The following STAT3 variants were observed in gnomAD, a reference collection of about 807,000 sequenced individuals.
The protein encoded by STAT3 is DNA-binding protein APRF.
In STAT3, 7 loss-of-function variants were observed where a neutral mutation model predicts 114.3. The ratio of observed to expected loss-of-function variants is 0.06; its 90% confidence interval spans 0.03 to 0.11. The LOEUF is 0.11. Among genes scored for constraint, STAT3 ranks in the 10% least tolerant of loss-of-function variants. STAT3 has a pLI of 1.00. For synonymous variants in STAT3, 331 were observed against 354.5 expected (o/e 0.93, Z 0.74); for missense variants, 364 against 960.9 (o/e 0.38, Z 8.21).
intron 1 of STAT3, among the ~76,000 whole-genome samples, chr17:42,366,124 A>G (rs2083775168): frequency 6.6e-6 from 1 of 152,110 alleles, no homozygotes; most frequent in Admixed American, 6.6e-5. Flanking sequence ...TGCCTCTTCA[A>G]TATCTCCACC....
intron 1 of STAT3, among the ~76,000 whole-genome samples, chr17:42,380,545 T>A (rs1173971445): frequency 2.0e-5 from 3 of 150,548 alleles, no homozygotes; most frequent in Non-Finnish European, 4.4e-5. Context: ...CCACCACAAC[T>A]GGCTAATTTT....
chr17:42,350,580 C>G (rs929345373), intron 1 of STAT3, among the ~76,000 whole-genome samples: 2 of 152,150 alleles, frequency 1.3e-5, no homozygotes, highest in African/African-American at 4.8e-5. Context: ...AGCTACCACG[C>G]CTGGCCTGGG....
chr17:42,363,733 T>C (rs1287893750), intron 1 of STAT3, among the ~76,000 whole-genome samples: 1 of 152,024 alleles, frequency 6.6e-6, no homozygotes, highest in African/African-American at 2.4e-5. Context: ...ATTATAGGCA[T>C]GAGCCATGGC....
chr17:42,359,054 G>T (rs2083378806), intron 1 of STAT3, among the ~76,000 whole-genome samples: 1 of 146,986 alleles, frequency 6.8e-6, no homozygotes, highest in African/African-American at 2.5e-5. Context: ...TCTTGCCTCA[G>T]CCTCCCGAGT....
At chr17:42,348,917 T>A (rs1372726203) in intron 1 of STAT3, among the ~76,000 whole-genome samples, 1 of 152,026 alleles carries the variant, frequency 6.6e-6, no homozygotes, top group Admixed American at 6.6e-5. Context: ...GAAGACAGAG[T>A]CTTGCTCTGT....
chr17:42,359,876 C>T (rs973962962), intron 1 of STAT3, among the ~76,000 whole-genome samples: 9 of 151,734 alleles, frequency 5.9e-5, no homozygotes, highest in East Asian at 1.9e-4. Context: ...CTGGCTAACA[C>T]GGTGAAACCC....
At chr17:42,322,217 C>A in intron 21 of STAT3, 65 bp downstream of exon 21, 2 of 1,535,906 alleles carry the variant, frequency 1.3e-6, no homozygotes, top group Non-Finnish European at 1.8e-6. Context: ...ATCTATCCTC[C>A]AAGGATCCCA....
chr17:42,376,259 A>G (rs1280185744), intron 1 of STAT3, among the ~76,000 whole-genome samples: 2 of 152,220 alleles, frequency 1.3e-5, no homozygotes, highest in Non-Finnish European at 2.9e-5. Flanking sequence ...AACTGACAAT[A>G]TTTGTTGCCA....
At chr17:42,386,003 T>C (rs2085081145) in intron 1 of STAT3, among the ~76,000 whole-genome samples, 1 of 152,068 alleles carries the variant, frequency 6.6e-6, no homozygotes, top group Non-Finnish European at 1.5e-5. Flanking sequence ...TGATACTTAC[T>C]GGGCGCGGTG....
At chr17:42,322,612 A>G in intron 20 of STAT3, 118 bp from the exon 21 acceptor site, 1 of 1,051,876 alleles carries the variant, frequency 9.5e-7, no homozygotes, top group Non-Finnish European at 1.5e-6. Flanking sequence ...TAGTGTTGAG[A>G]CCCTGAACAC....
chr17:42,328,410 TTTTA>T (rs1238265753), intron 14 of STAT3, among the ~76,000 whole-genome samples: 6 of 152,190 alleles, frequency 3.9e-5, no homozygotes, highest in Admixed American at 1.3e-4. Flanking sequence ...CTACATTTTA[TTTTA>T]TTTATTTTTT....
intron 4 of STAT3, chr17:42,345,329 G>T: frequency 1.9e-6 from 1 of 521,118 alleles, no homozygotes; most frequent in Non-Finnish European, 3.4e-6. Flanking sequence ...TTAAACCATT[G>T]GGTCTGTTGG....
intron 8 of STAT3, among the ~76,000 whole-genome samples, chr17:42,335,850 G>A (rs1347080709): frequency 2.0e-5 from 3 of 152,030 alleles, no homozygotes; most frequent in South Asian, 2.1e-4. Context: ...GTGACAGAGT[G>A]AGACTCTGTC....
chr17:42,316,662 T>G, intron 23 of STAT3, 127 bp downstream of exon 23: 2 of 1,545,742 alleles, frequency 1.3e-6, no homozygotes, highest in Non-Finnish European at 1.7e-6. Context: ...CCATCTCTTT[T>G]GGAAAGCAAA....
intron 1 of STAT3, among the ~76,000 whole-genome samples, chr17:42,360,434 C>T (rs1423787642): frequency 1.3e-5 from 2 of 151,570 alleles, no homozygotes; most frequent in East Asian, 4.0e-4. Flanking sequence ...CACCTGAGGT[C>T]GGGAGTTCGA....
At chr17:42,368,394 A>G (rs965367456) in intron 1 of STAT3, among the ~76,000 whole-genome samples, 1 of 152,234 alleles carries the variant, frequency 6.6e-6, no homozygotes, top group African/African-American at 2.4e-5. Flanking sequence ...ATATGCAGAC[A>G]CTAAAATCGT....
chr17:42,327,737 G>A (rs2081793075), intron 14 of STAT3, among the ~76,000 whole-genome samples: 1 of 152,136 alleles, frequency 6.6e-6, no homozygotes, highest in Non-Finnish European at 1.5e-5. Flanking sequence ...AGTAAGAGTT[G>A]TCAATGAATT....
intron 11 of STAT3, among the ~76,000 whole-genome samples, chr17:42,330,054 C>T (rs2081928718): frequency 6.6e-6 from 1 of 152,176 alleles, no homozygotes; most frequent in African/African-American, 2.4e-5. Context: ...TTTTCCAGTG[C>T]ATCCTCATGA....
chr17:42,383,996 G>C (rs993690770), intron 1 of STAT3, among the ~76,000 whole-genome samples: 3 of 152,184 alleles, frequency 2.0e-5, no homozygotes, highest in Admixed American at 2.0e-4. Context: ...CTAGGGCAGA[G>C]GGCATATGCA....
Sources: allele counts gnomAD v4.1 joint callset (sites outside exome capture counted in the v4.1 genomes callset), GRCh38; gene constraint gnomAD v4.1.1; transcripts MANE v1.5; gene names NCBI Gene and HGNC (gene_info 2026-07-23, HGNC 2026-07-21).